Variants in TM2D3 observed in about 807,000 individuals in gnomAD.
TM2D3 encodes TM2 domain-containing protein 3.
TM2D3 carries 33 observed loss-of-function variants against 27.3 expected under a neutral mutation model. The ratio of observed to expected loss-of-function variants is 1.21; its 90% confidence interval spans 0.92 to 1.61. The LOEUF (loss-of-function observed/expected upper bound fraction) is 1.61. Among genes scored for constraint, TM2D3 ranks in the 40% most tolerant of loss-of-function variants. TM2D3 has a pLI of 0.00. For synonymous variants in TM2D3, 138 were observed against 122.2 expected (o/e 1.13, Z -0.85); for missense variants, 364 against 320.8 (o/e 1.13, Z -1.03).
rs1303348334 is a variant in TM2D3, at chr15:101,642,518, A to T, written c.705T>A (p.Val235=). ...AGCCATCTGCTGGTCCAACATAGCC[A>T]ACTCCAATGAGCAGGACGTCTATCA... The part of the protein sequence containing the change: ...WTLIDVLLIG[V]GYVGPADGSL... Residue 235 remains valine (V), a synonymous_variant, in exon 6 of 6, where the codon GTT becomes GTA. Coordinates refer to ENST00000333202, the MANE Select transcript of TM2D3 (RefSeq NM_078474.3). 1 of 1,613,554 alleles carries T rather than the reference A, an allele frequency of 6.2e-7. No homozygotes were observed. The highest frequency in any genetic ancestry group is 1.7e-5 in the Admixed American group (1 of 59,950).
At position 101,645,065 on chromosome 15, in the gene TM2D3, A is replaced by G; in HGVS notation, c.578+22T>C. The G allele has an allele frequency of 3.7e-6, 6 of 1,606,076 alleles. No homozygotes were observed. The South Asian group carries it at 6.6e-5, about 18-fold the overall frequency. On this transcript the variant is annotated intron_variant, in intron 5 of 5. Transcript: ENST00000333202. ...CAAAGAAATGCAAACGGCCTTTTAC[A>G]CTTACGAGTAACAAGGCTTACCTTA...
rs137923819 is a variant in TM2D3, at chr15:101,650,388, C to A, written c.170-227G>T. The A allele has an allele frequency of 7.4e-6, 3 of 406,344 alleles. No individual in the cohort carries two copies. In the East Asian group the frequency reaches 1.1e-4, roughly 15 times the overall value. 25.2% of individuals were successfully genotyped at this position (406,344 alleles called of 1,614,324 possible). A position where few individuals can be genotyped will look rare whatever the true frequency, so the allele number is the denominator to read the frequency against. The stretch of plus-strand genomic sequence containing the variant: ...CTTGTAAAACATTACTTCATTCCTG[C>A]CTCCCACGTGGCCGTGAAAACTAAA... On this transcript the variant is annotated intron_variant, in intron 2 of 5. Coordinates refer to ENST00000333202, the MANE Select transcript of TM2D3 (RefSeq NM_078474.3).
intron 5 of TM2D3, among the ~76,000 whole-genome samples, chr15:101,644,369 AG>A (rs1198137887): frequency 6.6e-6 from 1 of 152,162 alleles, no homozygotes; most frequent in Admixed American, 6.5e-5. Flanking sequence ...TAGTAGGTAG[AG>A]GCCAGTGATG....
Position 101,652,290 on chromosome 15 carries a change from G to C in TM2D3, c.72C>G (p.Phe24Leu). 10 of 1,605,128 alleles carry C rather than the reference G, an allele frequency of 6.2e-6. No homozygotes were observed. Among genetic ancestry groups the C allele is most frequent in the African/African-American group, 1.4e-5 (1 of 73,250 alleles). ...LCRVLLFLSQFCILSGGEQSQ... is the reference protein window; with the variant it reads ...LCRVLLFLSQLCILSGGEQSQ... ...ACTCACCACCGCCCGACAGAATGCAGAACTGCGAGAGGAAGAGCAGCACGC... is the reference window on the plus strand; with the variant it reads ...ACTCACCACCGCCCGACAGAATGCACAACTGCGAGAGGAAGAGCAGCACGC... The change falls in exon 1 of 6, where the codon TTC becomes TTG. Residue 24 changes from phenylalanine to leucine, a missense_variant. Physicochemically the swap from Phe to Leu is conservative, Grantham distance 22. Coordinates refer to ENST00000333202, the MANE Select transcript of TM2D3 (RefSeq NM_078474.3).
At chr15:101,639,327 G>C (rs767106122), downstream of TM2D3, among the ~76,000 whole-genome samples, 1 of 151,644 alleles carries the variant, frequency 6.6e-6, no homozygotes, top group African/African-American at 2.4e-5. Flanking sequence ...GGGCAGAACA[G>C]AGGGGAAGCT....
chr15:101,641,027 G>A (rs1223303877), downstream of TM2D3, among the ~76,000 whole-genome samples: 1 of 152,196 alleles, frequency 6.6e-6, no homozygotes, highest in East Asian at 1.9e-4. Context: ...TTGCATGGTT[G>A]CTCAACAGGG....
chr15:101,647,722 C>T (rs572826875), intron 3 of TM2D3, among the ~76,000 whole-genome samples: 8 of 152,224 alleles, frequency 5.3e-5, no homozygotes, highest in Admixed American at 4.6e-4. Flanking sequence ...GTTTCTTCTA[C>T]ATGTATATTT....
intron 4 of TM2D3, 51 bp downstream of exon 4, chr15:101,646,674 A>G (rs772264897): frequency 2.1e-5 from 34 of 1,609,448 alleles, no homozygotes; most frequent in Non-Finnish European, 2.9e-5. Context: ...TCCCTTCAAT[A>G]AACTTGGAGA....
intron 4 of TM2D3, chr15:101,636,419 A>C (rs1423413736): frequency 6.6e-6 from 1 of 152,232 alleles, no homozygotes; most frequent in Admixed American, 6.5e-5. Flanking sequence ...AGCTGGTTTG[A>C]AACAAAAACT....
intron 2 of TM2D3, chr15:101,651,057 T>G (rs1233746497): frequency 6.6e-6 from 1 of 152,466 alleles, no homozygotes; most frequent in Non-Finnish European, 1.5e-5. Flanking sequence ...CAAAACACAC[T>G]AATGCTTGTT....
chr15:101,641,385 AAG>A (rs1466702086), downstream of TM2D3, among the ~76,000 whole-genome samples: 22 of 152,342 alleles, frequency 1.4e-4, no homozygotes, highest in African/African-American at 5.1e-4. Flanking sequence ...TCACTCAACT[AAG>A]AAAAGGACTG....
chr15:101,645,949 AAC>A (rs1896794684), intron 4 of TM2D3: 1 of 152,260 alleles, frequency 6.6e-6, no homozygotes, highest in South Asian at 2.1e-4. Flanking sequence ...GCTCATCAGG[AAC>A]AGTTACATAG....
chr15:101,645,475 G>A, intron 4 of TM2D3: 1 of 306,358 alleles, frequency 3.3e-6, no homozygotes, highest in Non-Finnish European at 6.1e-6. Context: ...AGAAGAGAAA[G>A]TCAAGAACCA....
chr15:101,652,220 G>T lies in TM2D3; in HGVS notation c.91+51C>A, dbSNP rs1046162726. On this transcript the variant is annotated intron_variant, in intron 1 of 5. Coordinates refer to ENST00000333202, the MANE Select transcript of TM2D3 (RefSeq NM_078474.3). The stretch of plus-strand genomic sequence containing the variant: ...GCCCGGCCTCCTCGCAGCTCCCGGG[G>T]CCCTGCTGCCACTCAGCCCCACCCG... The T allele has an allele frequency of 2.0e-6, 3 of 1,521,056 alleles. No homozygotes were observed. The African/African-American group carries it at 4.3e-5, about 22-fold the overall frequency. 94.2% of individuals were successfully genotyped at this position (1,521,056 alleles called of 1,614,324 possible).
At chr15:101,635,260 T>C (rs1009749657) in intron 4 of TM2D3, 3 of 152,194 alleles carry the variant, frequency 2.0e-5, no homozygotes, top group Non-Finnish European at 4.4e-5. Flanking sequence ...GTTCTCAAAG[T>C]TCAGACGGAA....
At chr15:101,641,658 G>A (rs981065330), downstream of TM2D3, among the ~76,000 whole-genome samples, 1 of 151,960 alleles carries the variant, frequency 6.6e-6, no homozygotes, top group African/African-American at 2.4e-5. Context: ...TTTTTTCCCC[G>A]ATAAAGGGTC....
rs1398649284 is a variant in TM2D3 at position 101,650,180 on chromosome 15, A to G, written c.170-19T>C. 1 of 1,609,488 alleles carries G rather than the reference A, an allele frequency of 6.2e-7. No homozygotes were observed. The highest frequency in any genetic ancestry group is 1.3e-5 in the African/African-American group (1 of 74,788). ...GTACTTTCTGTGAGAGGCAAGAGAGAAGCTTATTCTCCTATAATACTGATT... is the reference window on the plus strand; with the variant it reads ...GTACTTTCTGTGAGAGGCAAGAGAGGAGCTTATTCTCCTATAATACTGATT... On this transcript the variant is annotated intron_variant, in intron 2 of 5. Coordinates refer to ENST00000333202, the MANE Select transcript of TM2D3 (RefSeq NM_078474.3).
At chr15:101,641,253 C>T (rs1166582719), downstream of TM2D3, among the ~76,000 whole-genome samples, 1 of 150,560 alleles carries the variant, frequency 6.6e-6, no homozygotes, top group Non-Finnish European at 1.5e-5. Context: ...ACTGCTCATG[C>T]TCTGTGACAA....
intron 4 of TM2D3, 196 bp from the exon 5 acceptor site, chr15:101,645,358 A>C (rs777508927): frequency 3.4e-6 from 2 of 583,788 alleles, no homozygotes; most frequent in South Asian, 2.1e-5. Context: ...AGTTAGGATT[A>C]CAACGTGAGG....
Sources: gnomAD v4.1 joint callset for allele counts (sites outside exome capture counted in the v4.1 genomes callset) on GRCh38, gnomAD v4.1.1 for gene constraint, MANE v1.5 for transcripts, NCBI Gene and HGNC (gene_info 2026-07-23, HGNC 2026-07-21) for gene names.